TENM2: variants seen among roughly 807,000 people sequenced by gnomAD.
The protein encoded by TENM2 is teneurin-2.
TENM2 carries 52 observed loss-of-function variants against 245.2 expected under a neutral mutation model. The observed-to-expected ratio is 0.21, with a 90% CI of 0.17 to 0.27. The LOEUF is 0.27. Among genes scored for constraint, TENM2 ranks in the 10% least tolerant of loss-of-function variants. The pLI is 1.00. For missense variants in TENM2, 3,046 were observed against 3,666.8 expected (o/e 0.83, Z 4.37); for synonymous variants, 1,363 against 1,438.9 (o/e 0.95, Z 1.19).
At chr5:167,341,744 A>C (rs2127815556) in intron 1 of TENM2, among the ~76,000 whole-genome samples, 1 of 152,128 alleles carries the variant, frequency 6.6e-6, no homozygotes, top group Non-Finnish European at 1.5e-5. Context: ...ATCATACATA[A>C]TTATGGAGAG....
At chr5:167,366,146 G>A (rs182020799) in intron 1 of TENM2, among the ~76,000 whole-genome samples, 1 of 151,736 alleles carries the variant, frequency 6.6e-6, no homozygotes, top group Admixed American at 6.6e-5. Context: ...TTAAGAAAAA[G>A]AAGGCACAAA....
intron 2 of TENM2, among the ~76,000 whole-genome samples, chr5:167,794,441 A>G (rs1379030580): frequency 6.6e-6 from 1 of 152,200 alleles, no homozygotes; most frequent in Non-Finnish European, 1.5e-5. Flanking sequence ...GAAAAATTAC[A>G]TTTGTGATGG....
intron 2 of TENM2, among the ~76,000 whole-genome samples, chr5:167,551,328 C>T (rs1772924037): frequency 6.6e-6 from 1 of 152,074 alleles, no homozygotes; most frequent in South Asian, 2.1e-4. Flanking sequence ...ACTCACTTTC[C>T]CATGGAAAGA....
At chr5:168,155,949 C>T (rs1043394246) in intron 12 of TENM2, among the ~76,000 whole-genome samples, 10 of 147,570 alleles carry the variant, frequency 6.8e-5, no homozygotes, top group Non-Finnish European at 1.2e-4. Context: ...TTGTGACCAT[C>T]CCTAAATTAT....
At chr5:167,336,227 AG>A (rs1374901163) in intron 1 of TENM2, among the ~76,000 whole-genome samples, 1 of 141,974 alleles carries the variant, frequency 7.0e-6, no homozygotes, top group African/African-American at 2.7e-5. Context: ...TCTAGGATAA[AG>A]GGTGGATGCA....
Position 167,971,712 on chromosome 5 carries a change from C to CAAACA in TENM2, c.947+18914_947+18918dup, listed in dbSNP as rs531603530. Reference sequence around the variant, plus strand: ...TGAGACTCCATCTAAAACAAACAAACAAACAAAACAAAACAAAACAAAACA... The same window carrying CAAACA: ...TGAGACTCCATCTAAAACAAACAAACAAACAAAACAAAACAAAACAAAACAAAACA... On this transcript the variant is annotated intron_variant, in intron 4 of 28. Coordinates refer to ENST00000518659, the Ensembl canonical transcript of TENM2. Among the ~76,000 whole-genome samples, 136 of 95,994 alleles carry CAAACA rather than the reference C, an allele frequency of 1.4e-3. 1 individual carries two copies. The highest frequency in any genetic ancestry group is 2.2e-3 in the East Asian group (5 of 2,284). 63.0% of individuals were successfully genotyped at this position (95,994 alleles called of 152,430 possible).
intron 13 of TENM2, among the ~76,000 whole-genome samples, chr5:168,187,995 G>A (rs1337734022): frequency 6.6e-6 from 1 of 152,176 alleles, no homozygotes; most frequent in African/African-American, 2.4e-5. Context: ...CGAGGCACAT[G>A]AGCAACATTT....
intron 7 of TENM2, among the ~76,000 whole-genome samples, chr5:168,089,827 C>T (rs1416356266): frequency 2.0e-5 from 3 of 152,170 alleles, no homozygotes; most frequent in African/African-American, 7.2e-5. Context: ...TGACGGCTAA[C>T]ATGTATTTTG....
At chr5:168,126,778 C>T in exon 12 of TENM2, 1 of 1,612,802 alleles carries the variant, frequency 6.2e-7, no homozygotes, top group Non-Finnish European at 8.5e-7. Context: ...GACTGTGGCA[C>T]TCACGGCGTC....
chr5:167,316,867 CTG>C (rs951016379), intron 1 of TENM2, among the ~76,000 whole-genome samples: 3 of 152,156 alleles, frequency 2.0e-5, no homozygotes, highest in African/African-American at 7.2e-5. Flanking sequence ...ACAGTTATAA[CTG>C]TGTAAAGAGT....
the TENM2 span, among the ~76,000 whole-genome samples, chr5:167,072,094 T>C: frequency 6.6e-6 from 1 of 152,036 alleles, no homozygotes; most frequent in Non-Finnish European, 1.5e-5. Context: ...GCACTCAAGA[T>C]GGGTTCAGCC....
intron 2 of TENM2, among the ~76,000 whole-genome samples, chr5:167,577,997 G>C (rs1774828406): frequency 6.6e-6 from 1 of 152,206 alleles, no homozygotes; most frequent in Non-Finnish European, 1.5e-5. Context: ...ATCCCCATCA[G>C]CAAAATCAGC....
chr5:167,944,142 T>C (rs1361290106), intron 3 of TENM2, among the ~76,000 whole-genome samples: 1 of 152,228 alleles, frequency 6.6e-6, no homozygotes, highest in Admixed American at 6.5e-5. Flanking sequence ...TGACCCTTCA[T>C]GTGTGAGAAC....
chr5:167,690,115 T>C (rs2150401802), intron 2 of TENM2, among the ~76,000 whole-genome samples: 1 of 150,860 alleles, frequency 6.6e-6, no homozygotes, highest in East Asian at 1.9e-4. Context: ...TTTTTTTTTT[T>C]TTTTTTTTTT....
At chr5:167,140,726 C>T in the TENM2 span, among the ~76,000 whole-genome samples, 3 of 152,124 alleles carry the variant, frequency 2.0e-5, no homozygotes, top group Non-Finnish European at 4.4e-5. Flanking sequence ...ATCAGAATGA[C>T]TGTCCCCAGC....
the TENM2 span, among the ~76,000 whole-genome samples, chr5:167,032,390 A>G: frequency 3.3e-5 from 5 of 152,160 alleles, no homozygotes; most frequent in Non-Finnish European, 2.9e-5. Context: ...GGTGAGTCAC[A>G]AAACAGTTTT....
intron 2 of TENM2, among the ~76,000 whole-genome samples, chr5:167,444,172 A>G (rs1765022801): frequency 6.6e-6 from 1 of 152,272 alleles, no homozygotes; most frequent in East Asian, 1.9e-4. Context: ...GTCATAAAGA[A>G]GAACCACCAT....
intron 6 of TENM2, among the ~76,000 whole-genome samples, chr5:168,053,300 T>G (rs939320678): frequency 2.0e-5 from 3 of 152,192 alleles, no homozygotes; most frequent in Non-Finnish European, 4.4e-5. Context: ...ATAGCCCCAT[T>G]CTAAATTGCA....
chr5:167,127,007 C>T, the TENM2 span, among the ~76,000 whole-genome samples: 17 of 150,094 alleles, frequency 1.1e-4, no homozygotes, highest in Admixed American at 2.7e-4. Context: ...TTCACAGGTG[C>T]ATTTTTTTTT....
Sources: gnomAD v4.1 joint callset for allele counts (sites outside exome capture counted in the v4.1 genomes callset) on GRCh38, gnomAD v4.1.1 for gene constraint, MANE v1.5 for transcripts, NCBI Gene and HGNC (gene_info 2026-07-23, HGNC 2026-07-21) for gene names.